The following SNX25 variants were observed in gnomAD, a reference collection of about 807,000 sequenced individuals.
The protein encoded by SNX25 is sorting nexin 25, also known as sorting nexin-25.
A neutral mutation model predicts 113.7 loss-of-function variants in SNX25; 62 were observed. That is an observed-to-expected ratio of 0.55 (90% CI 0.44 to 0.67). The LOEUF (loss-of-function observed/expected upper bound fraction) is 0.67. SNX25 is among the 30% of genes least tolerant of loss of function. The pLI is 0.00. For missense variants in SNX25, 1,014 were observed against 1,161.0 expected (o/e 0.87, Z 1.84); for synonymous variants, 421 against 436.2 (o/e 0.97, Z 0.43).
intron 7 of SNX25, among the ~76,000 whole-genome samples, chr4:185,318,940 G>A (rs1034295194): frequency 2.0e-5 from 3 of 152,078 alleles, no homozygotes; most frequent in Non-Finnish European, 4.4e-5. Context: ...ATCTCCACAG[G>A]TAGCTACTCT....
At chr4:185,375,518 A>ATATATATATATG in the SNX25 span, 1 of 126,914 alleles carries the variant, frequency 7.9e-6, no homozygotes, top group African/African-American at 3.3e-5. Flanking sequence ...ATATATATGT[A>ATATATATATATG]TATATATATG....
chr4:185,239,343 C>G (rs56234993), intron 1 of SNX25, among the ~76,000 whole-genome samples: 24 of 152,042 alleles, frequency 1.6e-4, no homozygotes, highest in Admixed American at 4.6e-4. Flanking sequence ...ATTAGCCGGG[C>G]GTGGTGGTGG....
upstream of SNX25, among the ~76,000 whole-genome samples, chr4:185,206,870 C>G (rs72706061): frequency 0.13 from 19,461 of 152,048 alleles, 1,320 homozygotes; most frequent in African/African-American, 0.15. Context: ...CTCTGAAGGC[C>G]TCAGAACCAG....
intron 14 of SNX25, chr4:185,353,263 T>A (rs530563440): frequency 8.8e-5 from 38 of 429,664 alleles, no homozygotes; most frequent in African/African-American, 6.8e-4. Context: ...AGCGACAGAT[T>A]TTTTTTTAAA....
intron 10 of SNX25, among the ~76,000 whole-genome samples, chr4:185,337,549 T>A (rs558094863): frequency 6.6e-6 from 1 of 152,356 alleles, no homozygotes; most frequent in South Asian, 2.1e-4. Flanking sequence ...AATGTTACAA[T>A]GAATGTGGGT....
chr4:185,303,096 CTAGT>C (rs774430476), intron 6 of SNX25, among the ~76,000 whole-genome samples: 1 of 152,170 alleles, frequency 6.6e-6, no homozygotes, highest in Non-Finnish European at 1.5e-5. Context: ...TTGAATAGAG[CTAGT>C]TAGTCACACA....
At chr4:185,308,584 G>A (rs941061631) in intron 6 of SNX25, among the ~76,000 whole-genome samples, 2 of 152,200 alleles carry the variant, frequency 1.3e-5, no homozygotes, top group South Asian at 4.1e-4. Flanking sequence ...TTAGCAAAAT[G>A]TACCATTTGA....
chr4:185,304,860 G>C (rs1009083714), intron 6 of SNX25, among the ~76,000 whole-genome samples: 11 of 152,182 alleles, frequency 7.2e-5, no homozygotes, highest in African/African-American at 2.7e-4. Flanking sequence ...ACAGTTGATT[G>C]GAGAACCAGC....
intron 1 of SNX25, among the ~76,000 whole-genome samples, chr4:185,215,442 C>T (rs1419469780): frequency 6.6e-6 from 1 of 152,172 alleles, no homozygotes; most frequent in African/African-American, 2.4e-5. Flanking sequence ...TCGCTTGGAT[C>T]AGATGGCTAG....
At chr4:185,323,409 C>A in intron 8 of SNX25, 119 bp from the exon 9 acceptor site, 1 of 873,894 alleles carries the variant, frequency 1.1e-6, no homozygotes, top group Non-Finnish European at 1.7e-6. Flanking sequence ...CAAAATTCTA[C>A]ATACCAGGGT....
chr4:185,351,349 A>T, intron 13 of SNX25, 96 bp from the exon 14 acceptor site: 1 of 1,328,384 alleles, frequency 7.5e-7, no homozygotes, highest in Non-Finnish European at 1.0e-6. Flanking sequence ...ATGAAAGTAA[A>T]TTCGTGACAG....
intron 5 of SNX25, among the ~76,000 whole-genome samples, chr4:185,269,734 G>T (rs1748640666): frequency 6.6e-6 from 1 of 152,132 alleles, no homozygotes; most frequent in Non-Finnish European, 1.5e-5. Flanking sequence ...TTTTGTTGTT[G>T]TTTTGTTGTT....
downstream of SNX25, chr4:185,370,706 T>A (rs776193908): frequency 6.2e-7 from 1 of 1,614,074 alleles, no homozygotes; most frequent in South Asian, 1.1e-5. Context: ...GAAGACACCT[T>A]GCGTGGTAGA....
intron 1 of SNX25, among the ~76,000 whole-genome samples, chr4:185,217,933 A>G (rs140283501): frequency 7.8e-4 from 119 of 152,294 alleles, no homozygotes; most frequent in African/African-American, 2.7e-3. Context: ...CTGTATTTTT[A>G]TCCTTCACTG....
intron 1 of SNX25, among the ~76,000 whole-genome samples, chr4:185,216,513 GTTTTTTTT>G (rs34410263): frequency 1.0e-5 from 1 of 96,730 alleles, no homozygotes; most frequent in South Asian, 3.9e-4. Flanking sequence ...TGTGTATTTG[GTTTTTTTT>G]TTTTTTTTTT....
intron 3 of SNX25, among the ~76,000 whole-genome samples, chr4:185,261,114 C>CTGTGTGTGTGTG (rs369434936): frequency 2.2e-3 from 308 of 141,738 alleles, no homozygotes; most frequent in Middle Eastern, 7.1e-3. Context: ...CTGTCTGTCT[C>CTGTGTGTGTGTG]TGTGTGTGTG....
downstream of SNX25, chr4:185,372,895 T>A: frequency 6.2e-7 from 1 of 1,610,822 alleles, no homozygotes; most frequent in Non-Finnish European, 8.5e-7. Flanking sequence ...AAATTTCATC[T>A]TATAGTAATA....
intron 8 of SNX25, among the ~76,000 whole-genome samples, chr4:185,322,817 A>G (rs1382280052): frequency 6.6e-6 from 1 of 152,258 alleles, no homozygotes; most frequent in Non-Finnish European, 1.5e-5. Flanking sequence ...TGATCTAGCA[A>G]CATTGATTTG....
chr4:185,205,734 C>T (rs1271431235), upstream of SNX25, among the ~76,000 whole-genome samples: 2 of 152,188 alleles, frequency 1.3e-5, no homozygotes, highest in African/African-American at 4.8e-5. Flanking sequence ...GAGGCTGACG[C>T]AGAAGAATCG....
Sources: allele counts gnomAD v4.1 joint callset (sites outside exome capture counted in the v4.1 genomes callset), GRCh38; gene constraint gnomAD v4.1.1; transcripts MANE v1.5; gene names NCBI Gene and HGNC (gene_info 2026-07-23, HGNC 2026-07-21).